Variants in JAK3 observed in about 807,000 individuals in gnomAD.
JAK3 encodes the protein Janus kinase 3, also known as tyrosine-protein kinase JAK3.
In JAK3, 88 loss-of-function variants were observed where a neutral mutation model predicts 120.8. The ratio of observed to expected loss-of-function variants is 0.73; its 90% confidence interval spans 0.61 to 0.87. The LOEUF is 0.87. JAK3 is among the 40% of genes least tolerant of loss of function. The pLI, the probability that JAK3 is intolerant of heterozygous loss-of-function variation, is 0.00. For missense variants in JAK3, 1,254 were observed against 1,501.4 expected, an observed-to-expected ratio of 0.84 and a Z score of 2.72; for synonymous variants, 592 against 628.6, an observed-to-expected ratio of 0.94 and a Z score of 0.87.
Position 17,842,268 on chromosome 19 carries a change from A to AGCCCCGCCCCCACGTTG in JAK3, c.861+31_861+47dup. On this transcript the variant is annotated intron_variant, in intron 6 of 23. Coordinates refer to ENST00000458235, the MANE Select transcript of JAK3 (RefSeq NM_000215.4). The surrounding 1 kb of genome is among the most constrained non-coding windows in gnomAD (Gnocchi z 6.4). ...CCTACCACTCTCCGGCCCCTCCCCGAGCCCCGCCCCCACGTTGGCCCCGCC... is the reference window on the plus strand; with the variant it reads ...CCTACCACTCTCCGGCCCCTCCCCGAGCCCCGCCCCCACGTTGGCCCCGCCCCCACGTTGGCCCCGCC... 1 of 949,226 alleles carries AGCCCCGCCCCCACGTTG rather than the reference A, an allele frequency of 1.1e-6. No homozygotes were observed. 58.8% of individuals were successfully genotyped at this position (949,226 alleles called of 1,614,324 possible). A position where few individuals can be genotyped will look rare whatever the true frequency, so the allele number is the denominator to read the frequency against.
intron 22 of JAK3, 95 bp from the exon 23 acceptor site, chr19:17,830,313 G>T: frequency 9.8e-7 from 1 of 1,022,508 alleles, no homozygotes; most frequent in Non-Finnish European, 1.5e-6. Flanking sequence ...CATCTGTGAT[G>T]GAGCGGGGAG....
rs760847722 is a variant in JAK3 at position 17,831,220 on chromosome 19, T to G, written c.2978+8A>C. On this transcript the variant is annotated splice_region_variant and intron_variant, in intron 21 of 23. Transcript: ENST00000458235. The surrounding 1 kb of genome is among the most constrained non-coding windows in gnomAD (Gnocchi z 5.1). ...AATAGGGGCGGAGCCTAGGCGCGGG[T>G]TCCCCACCAGAAAATGGGGCTCTGG... is the stretch of plus-strand genomic sequence containing the variant. The G allele has an allele frequency of 6.2e-7, 1 of 1,610,480 alleles. No homozygotes were observed.
Position 17,832,778 on chromosome 19 carries a change from T to G in JAK3, c.2490+12A>C. ...TGCCCTCTCCAACCCACCCTGGCCC[T>G]GCCCACCTTACCTTGCCCAGCTGTG... On this transcript the variant is annotated intron_variant, in intron 18 of 23. Transcript: ENST00000458235. The surrounding 1 kb of genome is among the most constrained non-coding windows in gnomAD (Gnocchi z 4.7). The G allele has an allele frequency of 6.2e-7, 1 of 1,614,252 alleles. No homozygotes were observed. The highest frequency in any genetic ancestry group is 8.5e-7 in the Non-Finnish European group (1 of 1,180,030).
chr19:17,844,810 A>AAAGAAAG (rs1555746421), intron 1 of JAK3, among the ~76,000 whole-genome samples: 1 of 127,142 alleles, frequency 7.9e-6, no homozygotes, highest in Non-Finnish European at 1.7e-5. Flanking sequence ...AAAAAAAAAA[A>AAAGAAAG]AAAGAAAGAA....
At chr19:17,828,599 G>A (rs1322417611) in intron 23 of JAK3, among the ~76,000 whole-genome samples, 1 of 151,740 alleles carries the variant, frequency 6.6e-6, no homozygotes, top group Non-Finnish European at 1.5e-5. Context: ...ACGTTGCCCA[G>A]GCTGGTCTTG....
chr19:17,838,552 C>T (rs1446130883), intron 10 of JAK3, among the ~76,000 whole-genome samples, 162 bp from the exon 11 acceptor site: 2 of 152,078 alleles, frequency 1.3e-5, no homozygotes, highest in African/African-American at 4.8e-5. Flanking sequence ...TTTGTTGTTG[C>T]TGCTGCTGTT....
chr19:17,840,381 A>G (rs1301597442), intron 8 of JAK3, 40 bp from the exon 9 acceptor site: 2 of 1,369,318 alleles, frequency 1.5e-6, no homozygotes, highest in East Asian at 2.3e-5. Context: ...GGAGTCAGAG[A>G]TAGAAGAAGA....
intron 14 of JAK3, 52 bp from the exon 15 acceptor site, chr19:17,835,267 G>T (rs1171990663): frequency 6.3e-7 from 1 of 1,599,048 alleles, no homozygotes; most frequent in East Asian, 2.2e-5. Context: ...TGAATGAAGA[G>T]TCTGTTTGGC....
intron 13 of JAK3, among the ~76,000 whole-genome samples, chr19:17,836,479 G>C (rs1033093071): frequency 6.6e-6 from 1 of 152,068 alleles, no homozygotes; most frequent in African/African-American, 2.4e-5. Flanking sequence ...ACGGGGTCTT[G>C]CCATGTTGGC....
chr19:17,827,877 G>A (rs1390843893), intron 23 of JAK3, among the ~76,000 whole-genome samples: 1 of 148,878 alleles, frequency 6.7e-6, no homozygotes, highest in Non-Finnish European at 1.5e-5. Flanking sequence ...ACTCCAGCCT[G>A]GCCAACAAGA....
intron 17 of JAK3, among the ~76,000 whole-genome samples, chr19:17,833,737 T>G (rs1284896160): frequency 6.6e-6 from 1 of 151,870 alleles, no homozygotes; most frequent in Non-Finnish European, 1.5e-5. Context: ...CTTGTAATCC[T>G]AGCTACTTGG....
intron 23 of JAK3, among the ~76,000 whole-genome samples, chr19:17,827,613 C>T (rs1374290584): frequency 6.6e-6 from 1 of 150,822 alleles, no homozygotes; most frequent in Non-Finnish European, 1.5e-5. Flanking sequence ...TCCTAAAGGG[C>T]TGGGATTACA....
rs1027294500 is a variant in JAK3 at position 17,840,014 on chromosome 19, C to G, written c.1254+216G>C. 7.3e-4 allele frequency among the ~76,000 whole-genome samples: 111 copies of G among 152,216 alleles called. 4 individuals are homozygous for G. The highest frequency in any genetic ancestry group is 1.8e-4 in the Non-Finnish European group (12 of 68,042). On this transcript the variant is annotated intron_variant, in intron 9 of 23. Transcript: ENST00000458235. ...TCAGCCTCCCAAAGTGCTGGGATTACAGGCGTAAGCCACTGTGCCCAGCCT... is the reference window on the plus strand; with the variant it reads ...TCAGCCTCCCAAAGTGCTGGGATTAGAGGCGTAAGCCACTGTGCCCAGCCT...
In JAK3 at chr19:17,843,167, G is replaced by A; in HGVS notation, c.426C>T (p.Arg142=). The A allele has an allele frequency of 6.2e-7, 1 of 1,604,014 alleles. No individual in the cohort carries two copies. Among genetic ancestry groups the A allele is most frequent in the Non-Finnish European group, 8.5e-7 (1 of 1,178,282 alleles). The change falls in exon 5 of 24, where the codon CGC becomes CGT. Residue 142 remains arginine (R), a synonymous_variant. Transcript: ENST00000458235. The surrounding 1 kb of genome is among the most constrained non-coding windows in gnomAD (Gnocchi z 5.4). The part of the protein sequence containing the change: ...PVLEHLFAQH[R]SDLVSGRLPV... Reference sequence around the variant, plus strand: ...GGAGGCGCCCACTCACCAGGTCACTGCGGTGCTGGGGGGCCGCCACAGGGA... The same window carrying A: ...GGAGGCGCCCACTCACCAGGTCACTACGGTGCTGGGGGGCCGCCACAGGGA...
chr19:17,828,225 C>CTTTTTTGT (rs201037261), intron 23 of JAK3, among the ~76,000 whole-genome samples: 1 of 137,550 alleles, frequency 7.3e-6, no homozygotes, highest in Admixed American at 7.3e-5. Context: ...ATAATTTTGT[C>CTTTTTTGT]TTTGTTTTGT....
rs1462125244 is a variant in JAK3, at chr19:17,843,827, G to A, written c.258C>T (p.His86=). Residue 86 remains histidine, a synonymous_variant, in exon 3 of 24, where the codon CAC becomes CAT. Transcript: ENST00000458235. The surrounding 1 kb of genome is among the most constrained non-coding windows in gnomAD (Gnocchi z 5.4). ...EDLSCWFPPS[H]IFSVEDASTQ... ...TGCTGGCATCCTCCACGGAGAAGAT[G>A]TGGCTCGGGGGGAACCAGCAGGACA... 6.2e-7 allele frequency: 1 copy of A among 1,613,710 alleles called. No homozygotes were observed.
intron 13 of JAK3, among the ~76,000 whole-genome samples, chr19:17,836,300 T>C (rs943913983): frequency 6.6e-6 from 1 of 152,182 alleles, no homozygotes; most frequent in South Asian, 2.1e-4. Flanking sequence ...TCTTTTCTTT[T>C]GAGACAGAGT....
chr19:17,830,461 T>G, intron 22 of JAK3, 42 bp downstream of exon 22: 1 of 1,500,504 alleles, frequency 6.7e-7, no homozygotes, highest in Non-Finnish European at 9.2e-7. Context: ...ACGAGGGGCG[T>G]GGAGGGAGAA....
At position 17,842,714 on chromosome 19, in the gene JAK3, T is replaced by G; in HGVS notation, c.567-104A>C. On this transcript the variant is annotated intron_variant, in intron 5 of 23. Coordinates refer to ENST00000458235, the MANE Select transcript of JAK3 (RefSeq NM_000215.4). This position sits in a 1 kb window ranked among gnomAD's most constrained non-coding sequence, Gnocchi z 6.4. ...TAGCCCAGGGGCTGGGGTGCGGCCC[T>G]AGTTGGGGCACCAGGCACACACAGA... 8.3e-7 allele frequency: 1 copy of G among 1,198,516 alleles called. No homozygotes were observed. The highest frequency in any genetic ancestry group is 2.7e-5 in the Admixed American group (1 of 37,606). 74.2% of individuals were successfully genotyped at this position (1,198,516 alleles called of 1,614,324 possible). A position where few individuals can be genotyped will look rare whatever the true frequency, so the allele number is the denominator to read the frequency against.
Sources: allele counts gnomAD v4.1 joint callset (sites outside exome capture counted in the v4.1 genomes callset), GRCh38; gene constraint gnomAD v4.1.1; non-coding constraint Gnocchi (gnomAD v3.1); transcripts MANE v1.5; gene names NCBI Gene and HGNC (gene_info 2026-07-23, HGNC 2026-07-21).